Variants in NRG3 observed in about 807,000 individuals in gnomAD.
The protein encoded by NRG3 is neuregulin 3, also known as pro-neuregulin-3, membrane-bound isoform.
NRG3 carries 31 observed loss-of-function variants against 66.9 expected under a neutral mutation model. That is an observed-to-expected ratio of 0.46 (90% CI 0.35 to 0.63). The LOEUF is 0.63. Ranked by LOEUF, NRG3 falls within the 20% of genes least tolerant of loss-of-function variation. The probability of loss-of-function intolerance (pLI) is 0.00; values close to 1 mark genes in which losing one functional copy is unlikely to be tolerated. For missense variants in NRG3, 910 were observed against 878.9 expected (o/e 1.04, Z -0.45); for synonymous variants, 393 against 359.4 (o/e 1.09, Z -1.06).
intron 1 of NRG3, among the ~76,000 whole-genome samples, chr10:82,186,642 A>T (rs2133292979): frequency 6.6e-6 from 1 of 152,330 alleles, no homozygotes; most frequent in East Asian, 1.9e-4. Context: ...GATAGGTGAC[A>T]AGCAAATATT....
At chr10:82,320,278 T>C (rs1229737692) in intron 1 of NRG3, among the ~76,000 whole-genome samples, 3 of 152,208 alleles carry the variant, frequency 2.0e-5, no homozygotes, top group African/African-American at 7.2e-5. Flanking sequence ...TGAGAAGTTC[T>C]TTCCTGATGC....
chr10:82,490,417 A>C (rs1271554952), intron 2 of NRG3, among the ~76,000 whole-genome samples: 1 of 152,088 alleles, frequency 6.6e-6, no homozygotes, highest in Non-Finnish European at 1.5e-5. Flanking sequence ...CTTTGTTCAA[A>C]TGGCTCCTAG....
rs1849148125 is a variant in NRG3 at position 82,947,686 on chromosome 10, G to A, written c.1055-3783G>A. 2.0e-5 allele frequency among the ~76,000 whole-genome samples: 3 copies of A among 152,092 alleles called. No homozygotes were observed. In the South Asian group the frequency reaches 6.2e-4, roughly 32 times the overall value. On this transcript the variant is annotated intron_variant, in intron 4 of 8. Coordinates refer to ENST00000372141, the MANE Select transcript of NRG3 (RefSeq NM_001010848.4). ...CAATTTAATAATAATGAACAATGTTGGGTATCTTTTTAGGTACTTATTTGT... is the reference window on the plus strand; with the variant it reads ...CAATTTAATAATAATGAACAATGTTAGGTATCTTTTTAGGTACTTATTTGT...
chr10:82,264,576 G>A (rs982500155), intron 1 of NRG3, among the ~76,000 whole-genome samples: 6 of 152,154 alleles, frequency 3.9e-5, no homozygotes, highest in African/African-American at 7.2e-5. Flanking sequence ...CACCAAAGGC[G>A]TATGTGTACA....
chr10:82,517,149 A>G (rs907088132), intron 2 of NRG3, among the ~76,000 whole-genome samples: 26 of 152,142 alleles, frequency 1.7e-4, no homozygotes, highest in African/African-American at 6.0e-4. Flanking sequence ...TTTCAACAGA[A>G]TATGGGAGTG....
intron 2 of NRG3, among the ~76,000 whole-genome samples, chr10:82,674,892 G>A (rs2053557298): frequency 6.6e-6 from 1 of 151,840 alleles, no homozygotes; most frequent in Non-Finnish European, 1.5e-5. Context: ...GGGGGAGAGG[G>A]AATTATTATC....
chr10:82,682,600 C>A (rs1428855507), intron 2 of NRG3, among the ~76,000 whole-genome samples: 1 of 152,148 alleles, frequency 6.6e-6, no homozygotes, highest in African/African-American at 2.4e-5. Context: ...TGGGCAACAA[C>A]TGCTGAATAG....
chr10:82,269,670 A>AAC (rs1475301907), intron 1 of NRG3, among the ~76,000 whole-genome samples: 1 of 152,152 alleles, frequency 6.6e-6, no homozygotes, highest in African/African-American at 2.4e-5. Flanking sequence ...GCTGTAAACT[A>AAC]TGTCTACTAG....
intron 4 of NRG3, among the ~76,000 whole-genome samples, chr10:82,923,318 C>A (rs149640886): frequency 3.8e-3 from 580 of 152,336 alleles, no homozygotes; most frequent in Non-Finnish European, 5.9e-3. Flanking sequence ...TCCACCTAAT[C>A]TCTACTCTCC....
intron 2 of NRG3, among the ~76,000 whole-genome samples, chr10:82,696,825 G>A (rs1049036862): frequency 4.4e-4 from 67 of 152,188 alleles, no homozygotes; most frequent in African/African-American, 1.2e-3. Context: ...GAATCTGACC[G>A]TTTTCAAGTA....
intron 8 of NRG3, 78 bp downstream of exon 8, chr10:82,979,198 G>T: frequency 1.4e-6 from 2 of 1,431,394 alleles, no homozygotes; most frequent in South Asian, 1.3e-5. Context: ...TAAGTTCCTT[G>T]GGGTTTTATT....
At chr10:81,939,940 C>CTA (rs1344499753) in intron 1 of NRG3, among the ~76,000 whole-genome samples, 1 of 151,834 alleles carries the variant, frequency 6.6e-6, no homozygotes, top group East Asian at 1.9e-4. Context: ...AATGCCTTTG[C>CTA]TATATCCCAT....
At chr10:81,933,199 A>T (rs1312062319) in intron 1 of NRG3, among the ~76,000 whole-genome samples, 1 of 152,080 alleles carries the variant, frequency 6.6e-6, no homozygotes. Flanking sequence ...TCAAGCCTCT[A>T]AGAAGGGTGG....
intron 3 of NRG3, among the ~76,000 whole-genome samples, chr10:82,811,951 C>T (rs1299744749): frequency 6.6e-6 from 1 of 152,178 alleles, no homozygotes; most frequent in African/African-American, 2.4e-5. Flanking sequence ...TTTGGTCACA[C>T]CAGAGCTTGG....
chr10:82,834,600 G>A (rs2062688713), intron 3 of NRG3, among the ~76,000 whole-genome samples: 1 of 152,140 alleles, frequency 6.6e-6, no homozygotes, highest in Non-Finnish European at 1.5e-5. Flanking sequence ...ATCATGAATG[G>A]CCTAATCTTT....
chr10:82,349,020 C>T (rs1274853604), intron 1 of NRG3, among the ~76,000 whole-genome samples: 1 of 152,088 alleles, frequency 6.6e-6, no homozygotes. Context: ...TGAATGTCCT[C>T]CTGTAGCTCA....
intron 1 of NRG3, among the ~76,000 whole-genome samples, chr10:82,269,008 A>G (rs372214929): frequency 1.3e-5 from 2 of 152,018 alleles, no homozygotes; most frequent in South Asian, 4.2e-4. Context: ...CATTGTCTGT[A>G]TTCACCGTGA....
At chr10:81,928,916 G>T (rs1484725833) in intron 1 of NRG3, among the ~76,000 whole-genome samples, 1 of 152,052 alleles carries the variant, frequency 6.6e-6, no homozygotes, top group African/African-American at 2.4e-5. Flanking sequence ...GGCCCTCCAG[G>T]GCCCAAGTGA....
intron 2 of NRG3, among the ~76,000 whole-genome samples, chr10:82,376,203 T>C (rs778563580): frequency 6.6e-5 from 10 of 152,186 alleles, no homozygotes; most frequent in Admixed American, 6.5e-4. Flanking sequence ...ACACCGGAGC[T>C]CTTCCACTTT....
Sources: gnomAD v4.1 joint callset for allele counts (sites outside exome capture counted in the v4.1 genomes callset) on GRCh38, gnomAD v4.1.1 for gene constraint, MANE v1.5 for transcripts, NCBI Gene and HGNC (gene_info 2026-07-23, HGNC 2026-07-21) for gene names.